Variants in CFAP157 observed in about 807,000 individuals in gnomAD.
The protein encoded by CFAP157 is cilia and flagella associated protein 157.
Under a neutral mutation model 57.8 loss-of-function variants are expected in CFAP157, and 43 were observed. The observed-to-expected ratio is 0.74, with a 90% CI of 0.58 to 0.96. CFAP157 has a LOEUF of 0.96. Ranked by LOEUF, CFAP157 falls within the 40% of genes least tolerant of loss-of-function variation. The pLI is 0.00. For synonymous variants in CFAP157, 267 were observed against 269.0 expected, an observed-to-expected ratio of 0.99 and a Z score of 0.07; for missense variants, 606 against 655.3, an observed-to-expected ratio of 0.92 and a Z score of 0.82.
Position 127,711,133 on chromosome 9 carries a change from T to C in CFAP157, c.588-96T>C, listed in dbSNP as rs1842756619. 23 of 1,467,324 alleles carry C rather than the reference T, an allele frequency of 1.6e-5. 1 individual carries two copies. In the South Asian group the frequency reaches 3.0e-4, roughly 19 times the overall value. The allele number at this position is 1,467,324 out of a possible 1,614,324, so 90.9% of individuals were successfully genotyped here. On this transcript the variant is annotated intron_variant, in intron 3 of 8. Transcript: ENST00000373295. ...CCCAGGGAGAGAGCATGCTGGTGTT[T>C]AACAGCCCTAGGTGCTCTGGGAACC... is the stretch of plus-strand genomic sequence containing the variant.
At position 127,715,155 on chromosome 9, in the gene CFAP157, G is replaced by A. The variant is rs1449094469; in HGVS notation, c.*1250G>A. 1 of 1,535,116 alleles carries A rather than the reference G, an allele frequency of 6.5e-7. No homozygotes were observed. Among genetic ancestry groups the A allele is most frequent in the Non-Finnish European group, 8.7e-7 (1 of 1,146,408 alleles). ...CCCAGCACCGCCATGCCCACGCTGT[G>A]TCGCGTGCCGGGCAGTCCGGGATTC... On this transcript the variant is annotated 3_prime_UTR_variant, in exon 9 of 9. Coordinates refer to ENST00000373295, the MANE Select transcript of CFAP157 (RefSeq NM_001012502.3). The surrounding 1 kb of genome is among the most constrained non-coding windows in gnomAD (Gnocchi z 5.8).
Position 127,714,430 on chromosome 9 carries a change from A to G in CFAP157, c.*525A>G. On this transcript the variant is annotated 3_prime_UTR_variant, in exon 9 of 9. Coordinates refer to ENST00000373295, the MANE Select transcript of CFAP157 (RefSeq NM_001012502.3). ...AACGGACTCCATTGTGGCCCCTTCA[A>G]GGGATATGGGAGGGGCAGTTAGTGC... 6.2e-7 allele frequency: 1 copy of G among 1,614,148 alleles called. No homozygotes were observed. The highest frequency in any genetic ancestry group is 8.5e-7 in the Non-Finnish European group (1 of 1,180,002).
chr9:127,709,307 A>C lies in CFAP157; in HGVS notation c.162-115A>C. On this transcript the variant is annotated intron_variant, in intron 1 of 8. Coordinates refer to ENST00000373295, the MANE Select transcript of CFAP157 (RefSeq NM_001012502.3). The surrounding 1 kb of genome is among the most constrained non-coding windows in gnomAD (Gnocchi z 4.7). Reference sequence around the variant, plus strand: ...GAGATGAGGCTGGATTCTGATCACAAGGAAACTCAAATGCCCCTTTACGGG... The same window carrying C: ...GAGATGAGGCTGGATTCTGATCACACGGAAACTCAAATGCCCCTTTACGGG... 8.9e-7 allele frequency: 1 copy of C among 1,121,576 alleles called. No homozygotes were observed. Among genetic ancestry groups the C allele is most frequent in the Non-Finnish European group, 1.3e-6 (1 of 793,302 alleles). 69.5% of individuals were successfully genotyped at this position (1,121,576 alleles called of 1,614,324 possible).
intron 8 of CFAP157, 58 bp from the exon 9 acceptor site, chr9:127,713,776 G>A: frequency 6.9e-7 from 1 of 1,455,112 alleles, no homozygotes; most frequent in Non-Finnish European, 9.6e-7. Flanking sequence ...CAAAGTGCTG[G>A]GATTATAGGT....
At position 127,714,082 on chromosome 9, in the gene CFAP157, C is replaced by T; in HGVS notation, c.*177C>T. The stretch of plus-strand genomic sequence containing the variant: ...TTGGTGGGCACTACAGTCAGGCAGG[C>T]AGCCATGGCCACTAGTGTCACGGCC... On this transcript the variant is annotated 3_prime_UTR_variant, in exon 9 of 9. Transcript: ENST00000373295. The T allele has an allele frequency of 6.2e-7, 1 of 1,608,052 alleles. No homozygotes were observed.
chr9:127,713,312 T>G, intron 8 of CFAP157, 106 bp downstream of exon 8: 1 of 871,672 alleles, frequency 1.1e-6, no homozygotes, highest in Non-Finnish European at 1.7e-6. Flanking sequence ...TGTAACCAGA[T>G]CTCTCTGAGC....
rs1486882493 is a variant in CFAP157 at position 127,715,931 on chromosome 9, G to A, written c.*2026G>A. On this transcript the variant is annotated 3_prime_UTR_variant, in exon 9 of 9. Coordinates refer to ENST00000373295, the MANE Select transcript of CFAP157 (RefSeq NM_001012502.3). This position sits in a 1 kb window ranked among gnomAD's most constrained non-coding sequence, Gnocchi z 5.8. ...GCCCCCCGCTATGGCCCTGACTTGC[G>A]GCGAAAATCTGGCAAGTCCTTTCCC... 7.6e-6 allele frequency: 6 copies of A among 791,570 alleles called. No homozygotes were observed. The highest frequency in any genetic ancestry group is 1.2e-5 in the Non-Finnish European group (6 of 506,976). 49.0% of individuals were successfully genotyped at this position (791,570 alleles called of 1,614,324 possible). A position where few individuals can be genotyped will look rare whatever the true frequency, so the allele number is the denominator to read the frequency against.
In CFAP157 at chr9:127,709,330, G is replaced by T; in HGVS notation, c.162-92G>T. 1 of 1,354,006 alleles carries T rather than the reference G, an allele frequency of 7.4e-7. No homozygotes were observed. Among genetic ancestry groups the T allele is most frequent in the South Asian group, 1.4e-5 (1 of 71,050 alleles). The allele number at this position is 1,354,006 out of a possible 1,614,324, so 83.9% of individuals were successfully genotyped here. A position where few individuals can be genotyped will look rare whatever the true frequency, so the allele number is the denominator to read the frequency against. On this transcript the variant is annotated intron_variant, in intron 1 of 8. Transcript: ENST00000373295. This position sits in a 1 kb window ranked among gnomAD's most constrained non-coding sequence, Gnocchi z 4.7. The stretch of plus-strand genomic sequence containing the variant: ...CAAGGAAACTCAAATGCCCCTTTAC[G>T]GGACAGGGAGTCCAGGAGAGTGGGC...
intron 6 of CFAP157, 66 bp from the exon 7 acceptor site, chr9:127,712,643 A>C (rs1010045908): frequency 6.2e-7 from 1 of 1,612,848 alleles, no homozygotes; most frequent in Non-Finnish European, 8.5e-7. Flanking sequence ...TGAGGTTGGA[A>C]TTTCCTGGAC....
In CFAP157 at chr9:127,711,254, G is replaced by T. The variant is rs202146301; in HGVS notation, c.613G>T (p.Val205Leu). 1.2e-6 allele frequency: 2 copies of T among 1,613,978 alleles called. No homozygotes were observed. The highest frequency in any genetic ancestry group is 2.2e-5 in the South Asian group (2 of 91,092). ...ACTGAGGAAAGAGATCATCCAGCGCGTGAACCTCGTGGCCAATGAGTTCCA... is the reference window on the plus strand; with the variant it reads ...ACTGAGGAAAGAGATCATCCAGCGCTTGAACCTCGTGGCCAATGAGTTCCA... Reference protein sequence around the residue: ...DRLRKEIIQRVNLVANEFHKV... With the variant: ...DRLRKEIIQRLNLVANEFHKV... The change falls in exon 4 of 9, where the codon GTG (valine) becomes TTG (leucine). Residue 205 changes from valine (V) to leucine (L), a missense_variant. Transcript: ENST00000373295.
chr9:127,714,409 G>A lies in CFAP157; in HGVS notation c.*504G>A. On this transcript the variant is annotated 3_prime_UTR_variant, in exon 9 of 9. Coordinates refer to ENST00000373295, the MANE Select transcript of CFAP157 (RefSeq NM_001012502.3). ...AGTTGAGGCAGCTAATGCAGGAACG[G>A]ACTCCATTGTGGCCCCTTCAAGGGA... 6.2e-7 allele frequency: 1 copy of A among 1,614,210 alleles called. No homozygotes were observed. The highest frequency in any genetic ancestry group is 8.5e-7 in the Non-Finnish European group (1 of 1,180,032).
At position 127,711,946 on chromosome 9, in the gene CFAP157, C is replaced by T. The variant is rs774801550; in HGVS notation, c.982C>T (p.Leu328=). Residue 328 remains leucine, a synonymous_variant, in exon 5 of 9, where the codon CTG becomes TTG. Coordinates refer to ENST00000373295, the MANE Select transcript of CFAP157 (RefSeq NM_001012502.3). ...GCAGCTGCAGGTGGATAACCAGGCA[C>T]TGAAGTGCGTATGGCCCACGGAGGG... ...SLQLQVDNQA[L]KSQRDQLSLQ... 5.0e-6 allele frequency: 8 copies of T among 1,605,784 alleles called. No homozygotes were observed. The African/African-American group carries it at 5.3e-5, about 11-fold the overall frequency.
At position 127,713,838 on chromosome 9, in the gene CFAP157, G is replaced by T; in HGVS notation, c.1496G>T (p.Arg499Leu). ...CCAGCATCTTTAATCTTACAGATGCGTGCCCCTGGTTCTCTAAAAAGGCTT... is the reference window on the plus strand; with the variant it reads ...CCAGCATCTTTAATCTTACAGATGCTTGCCCCTGGTTCTCTAAAAAGGCTT... ...TFRAHSSPEM[R>L]APGSLKRLEK... Residue 499 changes from arginine (R) to leucine (L), a missense_variant, in exon 9 of 9, where the codon CGT (arginine) becomes CTT (leucine). By Grantham distance (102) the Arg-to-Leu change is moderately radical. Transcript: ENST00000373295. 1 of 1,613,664 alleles carries T rather than the reference G, an allele frequency of 6.2e-7. No individual in the cohort carries two copies. Among genetic ancestry groups the T allele is most frequent in the Non-Finnish European group, 8.5e-7 (1 of 1,179,894 alleles).
rs1842838117 is a variant in CFAP157, at chr9:127,714,111, G to A, written c.*206G>A. 2 of 1,613,018 alleles carry A rather than the reference G, an allele frequency of 1.2e-6. No homozygotes were observed. Among genetic ancestry groups the A allele is most frequent in the East Asian group, 4.5e-5 (2 of 44,866 alleles). ...CATGGCCACTAGTGTCACGGCCCCA[G>A]TGAGGGCCCCTGGCTTCGCTCACGG... On this transcript the variant is annotated 3_prime_UTR_variant, in exon 9 of 9. Coordinates refer to ENST00000373295, the MANE Select transcript of CFAP157 (RefSeq NM_001012502.3).
chr9:127,711,649 G>A (rs747700385), intron 4 of CFAP157, among the ~76,000 whole-genome samples, 153 bp downstream of exon 4: 5 of 152,224 alleles, frequency 3.3e-5, no homozygotes, highest in Non-Finnish European at 5.9e-5. Context: ...GCAGGGTGCT[G>A]GGCCTAGCTC....
Position 127,714,531 on chromosome 9 carries a change from T to A in CFAP157, c.*626T>A. On this transcript the variant is annotated 3_prime_UTR_variant, in exon 9 of 9. Coordinates refer to ENST00000373295, the MANE Select transcript of CFAP157 (RefSeq NM_001012502.3). ...CAGCCCATTTCCTGTGGAGACTGGG[T>A]CAGCAGCCCTACTCCACCCCAACTG... is the stretch of plus-strand genomic sequence containing the variant. 1 of 1,591,546 alleles carries A rather than the reference T, an allele frequency of 6.3e-7. No homozygotes were observed. Among genetic ancestry groups the A allele is most frequent in the Non-Finnish European group, 8.6e-7 (1 of 1,160,040 alleles).
Position 127,713,057 on chromosome 9 carries a change from C to T in CFAP157, c.1342C>T (p.Leu448=). The change falls in exon 8 of 9, where the codon CTG becomes TTG. Residue 448 remains leucine, a synonymous_variant. Transcript: ENST00000373295. ...SIQLPRTGSL[L]PQLSDITPYQ... ...CCAGCTGCCCAGGACTGGGTCTCTG[C>T]TGCCGCAGCTCTCTGACATCACCCC... is the stretch of plus-strand genomic sequence containing the variant. 6.2e-7 allele frequency: 1 copy of T among 1,613,892 alleles called. No individual in the cohort carries two copies. The highest frequency in any genetic ancestry group is 8.5e-7 in the Non-Finnish European group (1 of 1,179,932).
At position 127,715,111 on chromosome 9, in the gene CFAP157, C is replaced by T. The variant is rs1476643479; in HGVS notation, c.*1206C>T. ...CGCGCGTCCAACTCTCCGCCACACC[C>T]AGCCGCCGCGCCAGCTGCCCCAGCA... On this transcript the variant is annotated 3_prime_UTR_variant, in exon 9 of 9. Transcript: ENST00000373295. The surrounding 1 kb of genome is among the most constrained non-coding windows in gnomAD (Gnocchi z 5.8). 3 of 1,534,266 alleles carry T rather than the reference C, an allele frequency of 2.0e-6. No individual in the cohort carries two copies. The highest frequency in any genetic ancestry group is 2.7e-5 in the African/African-American group (2 of 73,064).
At position 127,714,232 on chromosome 9, in the gene CFAP157, C is replaced by A. The variant is rs10851; in HGVS notation, c.*327C>A. 3.1e-6 allele frequency: 5 copies of A among 1,613,962 alleles called. No individual in the cohort carries two copies. The highest frequency in any genetic ancestry group is 4.2e-6 in the Non-Finnish European group (5 of 1,180,026). On this transcript the variant is annotated 3_prime_UTR_variant, in exon 9 of 9. Coordinates refer to ENST00000373295, the MANE Select transcript of CFAP157 (RefSeq NM_001012502.3). The stretch of plus-strand genomic sequence containing the variant: ...AGCAGCCCAGCACATGGGCCTGAAC[C>A]GCCTCAGGGTGCGCCGGGCGCCCGA...
Sources: gnomAD v4.1 joint callset for allele counts (sites outside exome capture counted in the v4.1 genomes callset) on GRCh38, gnomAD v4.1.1 for gene constraint, Gnocchi (gnomAD v3.1) non-coding constraint, MANE v1.5 for transcripts, NCBI Gene and HGNC (gene_info 2026-07-23, HGNC 2026-07-21) for gene names.